The following PRDM1 variants were observed in gnomAD, a reference collection of about 807,000 sequenced individuals.
PRDM1 encodes PR/SET domain 1, also known as PR domain zinc finger protein 1.
Under a neutral mutation model 62.8 loss-of-function variants are expected in PRDM1, and 13 were observed. The ratio of observed to expected loss-of-function variants is 0.21; its 90% confidence interval spans 0.13 to 0.33. The LOEUF (loss-of-function observed/expected upper bound fraction) is 0.33. PRDM1 is among the 10% of genes least tolerant of loss of function. The pLI is 1.00. For missense variants in PRDM1, 895 were observed against 1,058.8 expected (o/e 0.85, Z 2.15); for synonymous variants, 396 against 417.6 (o/e 0.95, Z 0.63).
chr6:106,070,414 A>G (rs1773493454), intron 1 of PRDM1, among the ~76,000 whole-genome samples: 1 of 152,206 alleles, frequency 6.6e-6, no homozygotes, highest in Admixed American at 6.5e-5. Context: ...CCTGAATAAT[A>G]CTTATATTAT....
chr6:106,042,049 C>T (rs1167095084), intron 1 of PRDM1, among the ~76,000 whole-genome samples: 1 of 151,560 alleles, frequency 6.6e-6, no homozygotes, highest in Non-Finnish European at 1.5e-5. Flanking sequence ...CTCAAGTGAT[C>T]TGCCCACCTC....
chr6:106,021,856 G>A (rs942891960), intron 1 of PRDM1, among the ~76,000 whole-genome samples: 3 of 152,168 alleles, frequency 2.0e-5, no homozygotes, highest in African/African-American at 7.2e-5. Context: ...CCAGCCTCAG[G>A]TGATCCACCC....
intron 2 of PRDM1, among the ~76,000 whole-genome samples, chr6:106,089,652 G>A (rs1388342691): frequency 9.2e-5 from 14 of 152,206 alleles, no homozygotes; most frequent in Admixed American, 9.2e-4. Flanking sequence ...TTAAATTCTA[G>A]TTGTAGTTGA....
intron 1 of PRDM1, among the ~76,000 whole-genome samples, chr6:105,997,209 CT>C (rs1772359012): frequency 6.6e-6 from 1 of 152,192 alleles, no homozygotes; most frequent in Non-Finnish European, 1.5e-5. Flanking sequence ...GCTGCAACTT[CT>C]TTTCATAGCA....
intron 1 of PRDM1, among the ~76,000 whole-genome samples, chr6:106,034,953 A>G (rs923616815): frequency 1.3e-5 from 2 of 152,154 alleles, no homozygotes; most frequent in African/African-American, 4.8e-5. Flanking sequence ...AAGTCTTTTT[A>G]AGTCTGTTTC....
At chr6:106,026,455 A>T (rs1284578105) in intron 1 of PRDM1, among the ~76,000 whole-genome samples, 2 of 152,106 alleles carry the variant, frequency 1.3e-5, no homozygotes, top group Non-Finnish European at 2.9e-5. Context: ...CTCCAGCCTA[A>T]GCAACAAGAG....
chr6:106,063,661 G>C (rs947881200), intron 1 of PRDM1, among the ~76,000 whole-genome samples: 1 of 152,112 alleles, frequency 6.6e-6, no homozygotes, highest in Admixed American at 6.5e-5. Context: ...TTAAGTTTAC[G>C]ACATGCTGAA....
chr6:106,013,208 A>C (rs1257350490), intron 1 of PRDM1, among the ~76,000 whole-genome samples: 1 of 151,884 alleles, frequency 6.6e-6, no homozygotes, highest in African/African-American at 2.4e-5. Context: ...CAGATCATCA[A>C]TAATTGCAGT....
upstream of PRDM1, among the ~76,000 whole-genome samples, chr6:106,084,862 T>TG (rs1773761756): frequency 6.6e-6 from 1 of 152,254 alleles, no homozygotes; most frequent in South Asian, 2.1e-4. Flanking sequence ...CAATCACAGG[T>TG]GGGCCACGCA....
chr6:105,994,031 T>C lies in PRDM1; in HGVS notation c.-67+392T>C, dbSNP rs74627717. 5.7e-4 allele frequency among the ~76,000 whole-genome samples: 87 copies of C among 152,366 alleles called. No homozygotes were observed. The East Asian group carries it at 0.017, about 29-fold the overall frequency. On this transcript the variant is annotated intron_variant, in intron 1 of 6. Coordinates refer to the PRDM1 transcript ENST00000652320. The surrounding 1 kb of genome is among the most constrained non-coding windows in gnomAD (Gnocchi z 4.1). Reference sequence around the variant, plus strand: ...GAAACGTGAACGGGGGTAAGGTATTTATTTGTACGCTAGTTGAAGTGGGGC... The same window carrying C: ...GAAACGTGAACGGGGGTAAGGTATTCATTTGTACGCTAGTTGAAGTGGGGC...
At chr6:106,034,726 G>C (rs1317097989) in intron 1 of PRDM1, among the ~76,000 whole-genome samples, 1 of 143,934 alleles carries the variant, frequency 6.9e-6, no homozygotes, top group Non-Finnish European at 1.5e-5. Flanking sequence ...CCACCTCCCG[G>C]GTTCAAGTGA....
At position 106,105,028 on chromosome 6, in the gene PRDM1, G is replaced by A. The variant is rs775868156; in HGVS notation, c.868G>A (p.Glu290Lys). The change falls in exon 5 of 7, where the codon GAA becomes AAA. Residue 290 changes from glutamate (E) to lysine (K), a missense_variant. Glu to Lys is a moderately conservative substitution (Grantham distance 56, BLOSUM62 1). This residue lies in a region of PRDM1 where 444 missense variants were observed against 422.7 expected (regional missense o/e 1.05). Coordinates refer to ENST00000369096, the MANE Select transcript of PRDM1 (RefSeq NM_001198.4). ...LDDFRRRGSP[E>K]MPFYPRVVYP... ...TGACTTTAGAAGACGTGGGAGCCCC[G>A]AAATGCCCTTCTACCCTCGGGTCGT... 6 of 1,614,072 alleles carry A rather than the reference G, an allele frequency of 3.7e-6. No homozygotes were observed. The highest frequency in any genetic ancestry group is 5.1e-6 in the Non-Finnish European group (6 of 1,180,000).
chr6:106,041,963 G>GT (rs1357843807), intron 1 of PRDM1, among the ~76,000 whole-genome samples: 1 of 151,068 alleles, frequency 6.6e-6, no homozygotes, highest in African/African-American at 2.4e-5. Flanking sequence ...GCATGCCACC[G>GT]TGTGTGGCTA....
At chr6:106,053,838 C>T (rs1773220229) in intron 1 of PRDM1, among the ~76,000 whole-genome samples, 1 of 149,870 alleles carries the variant, frequency 6.7e-6, no homozygotes, top group Non-Finnish European at 1.5e-5. Context: ...AGCCCTCCAC[C>T]CCCCACAATG....
chr6:106,091,012 A>C (rs1773946033), intron 2 of PRDM1, among the ~76,000 whole-genome samples: 1 of 152,228 alleles, frequency 6.6e-6, no homozygotes, highest in South Asian at 2.1e-4. Context: ...TCCAGAACTG[A>C]AATCAAATAT....
At chr6:106,095,864 C>T in intron 3 of PRDM1, 130 bp downstream of exon 3, 1 of 987,998 alleles carries the variant, frequency 1.0e-6, no homozygotes, top group Non-Finnish European at 1.5e-6. Flanking sequence ...CCAGCATCCC[C>T]ATGGACACAG....
At chr6:106,007,564 C>A (rs960950988) in intron 1 of PRDM1, among the ~76,000 whole-genome samples, 6 of 152,188 alleles carry the variant, frequency 3.9e-5, no homozygotes, top group Admixed American at 6.5e-5. Context: ...GGGGTATTGA[C>A]AACTCGAAAG....
chr6:106,092,475 A>G (rs1009897504), intron 2 of PRDM1, among the ~76,000 whole-genome samples: 2 of 152,156 alleles, frequency 1.3e-5, no homozygotes, highest in African/African-American at 4.8e-5. Flanking sequence ...ATTCTTTAGG[A>G]CCCTGGTCAG....
intron 1 of PRDM1, among the ~76,000 whole-genome samples, chr6:106,036,848 C>T (rs149536513): frequency 3.2e-4 from 48 of 152,138 alleles, no homozygotes; most frequent in Admixed American, 2.0e-4. Context: ...GGGTCTTGCC[C>T]AGTTGCCAAG....
Sources: allele counts gnomAD v4.1 joint callset (sites outside exome capture counted in the v4.1 genomes callset), GRCh38; gene constraint gnomAD v4.1.1; regional missense constraint gnomAD v4.1.1; non-coding constraint Gnocchi (gnomAD v3.1); transcripts MANE v1.5; gene names NCBI Gene and HGNC (gene_info 2026-07-23, HGNC 2026-07-21).